BCAS3: variants seen among roughly 807,000 people sequenced by gnomAD.
BCAS3 encodes the protein BCAS4/BCAS3 fusion.
A neutral mutation model predicts 116.1 loss-of-function variants in BCAS3; 53 were observed. The observed-to-expected ratio is 0.46, with a 90% CI of 0.37 to 0.57. The LOEUF is 0.57. BCAS3 is among the 20% of genes least tolerant of loss of function. The probability of loss-of-function intolerance (pLI) is 0.00; values close to 1 mark genes in which losing one functional copy is unlikely to be tolerated. For missense variants in BCAS3, 917 were observed against 1,165.4 expected, an observed-to-expected ratio of 0.79 and a Z score of 3.10; for synonymous variants, 391 against 408.2, an observed-to-expected ratio of 0.96 and a Z score of 0.51.
Position 60,967,290 on chromosome 17 carries a change from A to G in BCAS3, c.1221+19938A>G, listed in dbSNP as rs1221583204. ...CAGAAATACTTTATTTCCCCTTCAT[A>G]TTTCAAGTATAATTTTGCTGAATGC... On this transcript the variant is annotated intron_variant, in intron 14 of 23. Transcript: ENST00000407086. This position sits in a 1 kb window ranked among gnomAD's most constrained non-coding sequence, Gnocchi z 4.7. Among the ~76,000 whole-genome samples, 1 of 152,088 alleles carries G rather than the reference A, an allele frequency of 6.6e-6. No homozygotes were observed. The highest frequency in any genetic ancestry group is 1.5e-5 in the Non-Finnish European group (1 of 68,016).
intron 22 of BCAS3, among the ~76,000 whole-genome samples, chr17:61,260,718 C>T (rs372696227): frequency 3.3e-5 from 5 of 152,248 alleles, no homozygotes; most frequent in African/African-American, 1.2e-4. Context: ...GTTTGAGAGA[C>T]ACTTTGTACC....
At chr17:60,737,692 T>C (rs940210310) in intron 5 of BCAS3, among the ~76,000 whole-genome samples, 5 of 151,984 alleles carry the variant, frequency 3.3e-5, no homozygotes, top group African/African-American at 1.2e-4. Context: ...CTTCAAATAT[T>C]TGGTTATTTT....
intron 13 of BCAS3, among the ~76,000 whole-genome samples, chr17:60,943,692 A>G (rs977709664): frequency 2.0e-5 from 3 of 152,082 alleles, no homozygotes; most frequent in Non-Finnish European, 2.9e-5. Context: ...ATCACTACCA[A>G]TTACATACCT....
At chr17:60,726,573 G>C (rs1456841109) in intron 5 of BCAS3, among the ~76,000 whole-genome samples, 1 of 149,916 alleles carries the variant, frequency 6.7e-6, no homozygotes, top group East Asian at 2.0e-4. Context: ...GCAATGGTGC[G>C]ATCTCAGCTC....
intron 22 of BCAS3, among the ~76,000 whole-genome samples, chr17:61,319,060 T>C (rs2054980222): frequency 6.6e-6 from 1 of 152,254 alleles, no homozygotes; most frequent in South Asian, 2.1e-4. Context: ...GGGTAAGGGC[T>C]AGAGGATTTC....
chr17:60,822,890 C>T (rs1174211448), intron 7 of BCAS3, among the ~76,000 whole-genome samples: 1 of 152,196 alleles, frequency 6.6e-6, no homozygotes, highest in Non-Finnish European at 1.5e-5. Context: ...TAGTCATTAT[C>T]ATATGTGGGT....
chr17:60,762,219 C>G (rs1000520762), intron 6 of BCAS3, among the ~76,000 whole-genome samples: 6 of 152,156 alleles, frequency 3.9e-5, no homozygotes, highest in Non-Finnish European at 5.9e-5. Context: ...TCCCATTAGT[C>G]AATTTTGGCT....
At chr17:61,027,565 G>T (rs900203914) in intron 16 of BCAS3, 4 of 261,110 alleles carry the variant, frequency 1.5e-5, no homozygotes, top group Non-Finnish European at 3.0e-5. Flanking sequence ...TCATAGAAAA[G>T]AATTCGAATA....
intron 13 of BCAS3, among the ~76,000 whole-genome samples, chr17:60,938,870 C>T (rs1238236687): frequency 6.6e-6 from 1 of 152,012 alleles, no homozygotes; most frequent in Non-Finnish European, 1.5e-5. Flanking sequence ...TCACTGATAA[C>T]CAAGGAATAC....
At chr17:60,939,861 T>C (rs2060132040) in intron 13 of BCAS3, among the ~76,000 whole-genome samples, 1 of 152,204 alleles carries the variant, frequency 6.6e-6, no homozygotes, top group African/African-American at 2.4e-5. Flanking sequence ...TGGACAAATA[T>C]TCTCAACAAC....
At chr17:61,129,815 T>C (rs1052678698) in intron 22 of BCAS3, among the ~76,000 whole-genome samples, 3 of 152,252 alleles carry the variant, frequency 2.0e-5, no homozygotes, top group African/African-American at 7.2e-5. Flanking sequence ...GTATTCCTTC[T>C]ATTGAGCTAC....
intron 22 of BCAS3, among the ~76,000 whole-genome samples, chr17:61,230,421 G>A (rs1418998992): frequency 4.6e-5 from 7 of 151,902 alleles, no homozygotes; most frequent in South Asian, 2.1e-4. Flanking sequence ...TGAGCATAGC[G>A]CCCAATAGGT....
At position 61,390,839 on chromosome 17, in the gene BCAS3, C is replaced by G. The variant is rs1481808280; in HGVS notation, c.2594-1138C>G. 1 of 151,986 alleles carries G rather than the reference C, an allele frequency of 6.6e-6. No individual in the cohort carries two copies. Among genetic ancestry groups the G allele is most frequent in the African/African-American group, 2.4e-5 (1 of 41,156 alleles). 9.4% of individuals were successfully genotyped at this position (151,986 alleles called of 1,614,324 possible). A position where few individuals can be genotyped will look rare whatever the true frequency, so the allele number is the denominator to read the frequency against. On this transcript the variant is annotated intron_variant, in intron 23 of 23. Coordinates refer to ENST00000407086, the MANE Select transcript of BCAS3 (RefSeq NM_017679.5). The surrounding 1 kb of genome is among the most constrained non-coding windows in gnomAD (Gnocchi z 6.8). ...CACATCTTGCTGTTTCAAGTGACTG[C>G]TTTGAGGTCCTGCACTCCTGGGTGG...
At position 61,368,941 on chromosome 17, in the gene BCAS3, C is replaced by T. The variant is rs540101663; in HGVS notation, c.2593+447C>T. 3.4e-4 allele frequency among the ~76,000 whole-genome samples: 52 copies of T among 152,312 alleles called. No individual in the cohort carries two copies. Among genetic ancestry groups the T allele is most frequent in the African/African-American group, 1.3e-3 (52 of 41,572 alleles). On this transcript the variant is annotated intron_variant, in intron 23 of 23. Transcript: ENST00000407086. The surrounding 1 kb of genome is among the most constrained non-coding windows in gnomAD (Gnocchi z 6.0). ...CTGGTTTCAGCCCCTACCAGCTTTT[C>T]CTCATGCTGCCTTTGGCCTTGCATT...
intron 22 of BCAS3, among the ~76,000 whole-genome samples, chr17:61,089,371 G>T (rs1168550641): frequency 6.6e-6 from 1 of 151,564 alleles, no homozygotes; most frequent in Non-Finnish European, 1.5e-5. Context: ...TATTTGAGCA[G>T]TTTTTGTTTT....
At chr17:60,762,695 T>C (rs1373754569) in intron 6 of BCAS3, among the ~76,000 whole-genome samples, 3 of 152,168 alleles carry the variant, frequency 2.0e-5, no homozygotes, top group Non-Finnish European at 2.9e-5. Context: ...CTTTTTTGAT[T>C]CCATATGAAC....
intron 5 of BCAS3, among the ~76,000 whole-genome samples, chr17:60,712,833 T>A (rs536216928): frequency 6.6e-6 from 1 of 152,278 alleles, no homozygotes; most frequent in Admixed American, 6.5e-5. Context: ...GAGAAGGAGA[T>A]GGAGGAATGT....
chr17:60,923,166 T>G (rs1029774218), intron 12 of BCAS3, among the ~76,000 whole-genome samples: 1 of 152,194 alleles, frequency 6.6e-6, no homozygotes, highest in Non-Finnish European at 1.5e-5. Flanking sequence ...ATCAATATAA[T>G]CAATGTATTT....
intron 5 of BCAS3, among the ~76,000 whole-genome samples, chr17:60,717,183 GTTTC>G (rs1172761893): frequency 4.0e-5 from 6 of 151,412 alleles, no homozygotes; most frequent in Admixed American, 2.0e-4. Flanking sequence ...TGCAGAATAT[GTTTC>G]TTTCTTTTTC....
Sources: gnomAD v4.1 joint callset for allele counts (sites outside exome capture counted in the v4.1 genomes callset) on GRCh38, gnomAD v4.1.1 for gene constraint, Gnocchi (gnomAD v3.1) non-coding constraint, MANE v1.5 for transcripts, NCBI Gene and HGNC (gene_info 2026-07-23, HGNC 2026-07-21) for gene names.